MAP4: variants seen among roughly 807,000 people sequenced by gnomAD.
MAP4 encodes microtubule-associated protein 4.
A neutral mutation model predicts 170.2 loss-of-function variants in MAP4; 76 were observed. That is an observed-to-expected ratio of 0.45 (90% confidence interval 0.37 to 0.54). The LOEUF is 0.54. Ranked by LOEUF, MAP4 falls within the 20% of genes least tolerant of loss-of-function variation. The pLI is 0.00. For synonymous variants in MAP4, 909 were observed against 994.5 expected, an observed-to-expected ratio of 0.91 and a Z score of 1.62; for missense variants, 2,506 against 2,748.0, an observed-to-expected ratio of 0.91 and a Z score of 1.97.
chr3:48,044,584 G>A lies in MAP4; in HGVS notation c.-20+44189C>T, dbSNP rs868164478. Among the ~76,000 whole-genome samples, 169 of 152,088 alleles carry A rather than the reference G, an allele frequency of 1.1e-3. 3 individuals carry two copies. The highest frequency in any genetic ancestry group is 3.6e-3 in the African/African-American group (150 of 41,560). On this transcript the variant is annotated intron_variant, in intron 1 of 18. Coordinates refer to the MAP4 transcript ENST00000360240. The stretch of plus-strand genomic sequence containing the variant: ...TCGAGACCACCCTGGCCAACATGGC[G>A]AAACCTCATGTCTACTAAAAATACA...
intron 5 of MAP4, 115 bp downstream of exon 5, chr3:47,921,648 TGG>T (rs2100042913): frequency 1.6e-6 from 1 of 625,614 alleles, no homozygotes; most frequent in South Asian, 2.0e-5. Flanking sequence ...TTTTAAACTT[TGG>T]TCTCTTTTTT....
rs1579274194 is a variant in MAP4, at chr3:48,015,788, A to C, written c.-20+546T>G. 2.6e-5 allele frequency among the ~76,000 whole-genome samples: 4 copies of C among 152,224 alleles called. 1 individual carries two copies. In the East Asian group the frequency reaches 7.7e-4, roughly 29 times the overall value. ...ATCTTTAGCAAGGATGTCTACAGGA[A>C]TCAACTACCAACTTACACAGTTCAC... On this transcript the variant is annotated intron_variant, in intron 1 of 20. Transcript: ENST00000683076.
chr3:47,981,228 G>T (rs1044602699), intron 2 of MAP4, among the ~76,000 whole-genome samples: 2 of 152,092 alleles, frequency 1.3e-5, no homozygotes, highest in Non-Finnish European at 2.9e-5. Context: ...TCGTGTTACC[G>T]ATACAGGAAG....
chr3:47,887,600 G>A (rs955595831), intron 10 of MAP4, among the ~76,000 whole-genome samples: 7 of 152,202 alleles, frequency 4.6e-5, no homozygotes, highest in Non-Finnish European at 7.3e-5. Context: ...AACGCACCAC[G>A]GCGCAGGACT....
intron 5 of MAP4, among the ~76,000 whole-genome samples, chr3:47,920,253 G>T (rs181516675): frequency 4.5e-4 from 68 of 152,056 alleles, no homozygotes; most frequent in Middle Eastern, 6.8e-3. Flanking sequence ...TTACAGGCAT[G>T]AGCCACCACA....
At chr3:48,073,071 A>T (rs2154565733) in intron 1 of MAP4, among the ~76,000 whole-genome samples, 1 of 152,172 alleles carries the variant, frequency 6.6e-6, no homozygotes, top group Admixed American at 6.5e-5. Flanking sequence ...TCTACTAAAA[A>T]TGGTGGCACA....
chr3:47,872,580 C>T (rs987467329), intron 12 of MAP4, among the ~76,000 whole-genome samples: 1 of 152,128 alleles, frequency 6.6e-6, no homozygotes, highest in Non-Finnish European at 1.5e-5. Context: ...AGAGCAAAGT[C>T]CTCCACATAA....
intron 10 of MAP4, among the ~76,000 whole-genome samples, chr3:47,890,677 G>A (rs987835723): frequency 1.3e-5 from 2 of 152,174 alleles, no homozygotes; most frequent in African/African-American, 4.8e-5. Flanking sequence ...AGGGAGCTGA[G>A]GGCTGGGTGG....
At chr3:47,893,882 A>C (rs567025481) in intron 10 of MAP4, among the ~76,000 whole-genome samples, 1 of 152,164 alleles carries the variant, frequency 6.6e-6, no homozygotes, top group Non-Finnish European at 1.5e-5. Context: ...TAAAATGTAA[A>C]GAAATTACCA....
At chr3:48,045,300 TCTG>T (rs1463116080) in intron 1 of MAP4, among the ~76,000 whole-genome samples, 4 of 149,232 alleles carry the variant, frequency 2.7e-5, no homozygotes, top group Non-Finnish European at 5.9e-5. Context: ...CATTAAAAAC[TCTG>T]TCAGTTATAA....
chr3:47,938,701 C>A (rs920448409), intron 3 of MAP4, among the ~76,000 whole-genome samples: 1 of 152,194 alleles, frequency 6.6e-6, no homozygotes, highest in Non-Finnish European at 1.5e-5. Flanking sequence ...GAGTTCTTAA[C>A]CCTGGCTTTG....
chr3:48,059,277 G>A (rs1024687018), intron 1 of MAP4, among the ~76,000 whole-genome samples: 1 of 151,846 alleles, frequency 6.6e-6, no homozygotes, highest in African/African-American at 2.4e-5. Flanking sequence ...CACTTTGGGA[G>A]GCCAAGGTGG....
chr3:48,088,131 T>C (rs896847234), intron 1 of MAP4, among the ~76,000 whole-genome samples: 1 of 152,164 alleles, frequency 6.6e-6, no homozygotes, highest in African/African-American at 2.4e-5. Flanking sequence ...ATCTCTGTTC[T>C]GGGTAATGTT....
In MAP4 at chr3:47,853,350, A is replaced by C. The variant is rs1307564147; in HGVS notation, c.6699T>G (p.Thr2233=). Residue 2233 remains threonine (T), a splice_region_variant and synonymous_variant, in exon 20 of 21, where the codon ACT becomes ACG. Transcript: ENST00000683076. ...GHLPAGGAVK[T]EGGGSEAPLC... ...GAGGAGCCTCGCTGCCACCGCCCTC[A>C]GTCTACAATGAAACAGTGGGGGAGA... The C allele has an allele frequency of 6.2e-7, 1 of 1,602,658 alleles. No homozygotes were observed. Among genetic ancestry groups the C allele is most frequent in the African/African-American group, 1.3e-5 (1 of 74,846 alleles).
chr3:47,939,613 ATAATT>A (rs891302804), intron 3 of MAP4, among the ~76,000 whole-genome samples: 29 of 152,142 alleles, frequency 1.9e-4, no homozygotes, highest in Admixed American at 1.2e-3. Context: ...GAATTCCAAA[ATAATT>A]TAAACAATAG....
At chr3:47,934,921 AC>A (rs2100051862) in intron 3 of MAP4, among the ~76,000 whole-genome samples, 1 of 152,216 alleles carries the variant, frequency 6.6e-6, no homozygotes, top group African/African-American at 2.4e-5. Flanking sequence ...TTAGATCACC[AC>A]CATCACCACC....
At chr3:47,853,441 C>T in intron 19 of MAP4, 89 bp from the exon 20 acceptor site, 2 of 940,836 alleles carry the variant, frequency 2.1e-6, no homozygotes, top group Non-Finnish European at 1.6e-6. Flanking sequence ...CACACAGCCC[C>T]CACCCTTGCT....
rs1474170903 is a variant in MAP4 at position 47,916,478 on chromosome 3, A to G, written c.1349T>C (p.Met450Thr). 6.2e-7 allele frequency: 1 copy of G among 1,614,194 alleles called. No individual in the cohort carries two copies. Among genetic ancestry groups the G allele is most frequent in the South Asian group, 1.1e-5 (1 of 91,084 alleles). ...CACGTTGGTTTCCGGGGGCAGTGTC[A>G]TGTCCCTGGCCAGGGCTACCTCTGT... ...SETEVALARDMTLPPETNVIL... is the reference protein window; with the variant it reads ...SETEVALARDTTLPPETNVIL... The change falls in exon 7 of 21, where the codon ATG (methionine) becomes ACG (threonine). Residue 450 changes from methionine to threonine, a missense_variant. By Grantham distance (81) the Met-to-Thr change is moderately conservative. Around this residue, in one of 3 missense-constraint regions of MAP4, gnomAD observed 2,008 missense variants for 2,206.0 expected, o/e 0.91. Coordinates refer to ENST00000683076, the MANE Select transcript of MAP4 (RefSeq NM_001385682.1).
chr3:48,057,630 T>TAAAG (rs1553745991), intron 1 of MAP4, among the ~76,000 whole-genome samples: 12 of 105,428 alleles, frequency 1.1e-4, no homozygotes, highest in Non-Finnish European at 2.0e-4. Flanking sequence ...AATAAATAAA[T>TAAAG]AAAAAAGAAA....
Sources: gnomAD v4.1 joint callset for allele counts (sites outside exome capture counted in the v4.1 genomes callset) on GRCh38, gnomAD v4.1.1 for gene constraint, gnomAD v4.1.1 regional missense constraint, MANE v1.5 for transcripts, NCBI Gene and HGNC (gene_info 2026-07-23, HGNC 2026-07-21) for gene names.